ACACA: variants seen among roughly 807,000 people sequenced by gnomAD.
ACACA encodes acetyl-CoA carboxylase alpha.
A neutral mutation model predicts 296.1 loss-of-function variants in ACACA; 103 were observed. That is an observed-to-expected ratio of 0.35 (90% CI 0.30 to 0.41). The LOEUF is 0.41. Among genes scored for constraint, ACACA ranks in the 10% least tolerant of loss-of-function variants. The pLI is 1.00. For synonymous variants in ACACA, 953 were observed against 1,038.6 expected (o/e 0.92, Z 1.58); for missense variants, 1,554 against 2,989.7 (o/e 0.52, Z 11.20).
At chr17:37,366,620 C>T (rs2049614972) in intron 1 of ACACA, among the ~76,000 whole-genome samples, 1 of 151,996 alleles carries the variant, frequency 6.6e-6, no homozygotes, top group Admixed American at 6.6e-5. Context: ...AGGCACCTGC[C>T]ACCACGCCTG....
chr17:37,260,284 ATATATATATATATTTTTTTT>A lies in ACACA; in HGVS notation c.1330-774_1330-755del, dbSNP rs1460618510. The stretch of plus-strand genomic sequence containing the variant: ...TATATATATATATATATATATATAT[ATATATATATATATTTTTTTT>A]TTTTTTTTTTTTGGAGATGGAGTCT... On this transcript the variant is annotated intron_variant, in intron 11 of 55. Transcript: ENST00000616317. Among the ~76,000 whole-genome samples, 56 of 43,442 alleles carry A rather than the reference ATATATATATATATTTTTTTT, an allele frequency of 1.3e-3. 4 individuals carry two copies. Among genetic ancestry groups the A allele is most frequent in the African/African-American group, 6.9e-3 (53 of 7,652 alleles). 28.5% of individuals were successfully genotyped at this position (43,442 alleles called of 152,430 possible).
At chr17:37,147,746 T>C (rs1292150373) in intron 45 of ACACA, among the ~76,000 whole-genome samples, 1 of 152,192 alleles carries the variant, frequency 6.6e-6, no homozygotes, top group East Asian at 1.9e-4. Context: ...GAAGTGAGCA[T>C]TGTTTGGTAA....
At chr17:37,305,569 G>A (rs1322021216) in intron 3 of ACACA, among the ~76,000 whole-genome samples, 1 of 152,164 alleles carries the variant, frequency 6.6e-6, no homozygotes. Flanking sequence ...GTTACTTTCC[G>A]TTGGGCCTTA....
intron 46 of ACACA, 94 bp from the exon 47 acceptor site, chr17:37,129,579 C>T: frequency 2.0e-6 from 3 of 1,533,184 alleles, no homozygotes; most frequent in Non-Finnish European, 2.7e-6. Flanking sequence ...ACAGCAGGGC[C>T]CACGTATGGA....
chr17:37,090,076 T>C (rs1380450228), intron 54 of ACACA, among the ~76,000 whole-genome samples: 1 of 152,178 alleles, frequency 6.6e-6, no homozygotes, highest in Non-Finnish European at 1.5e-5. Context: ...GTGTGTTTGT[T>C]AGGGACTCTG....
intron 1 of ACACA, among the ~76,000 whole-genome samples, chr17:37,405,314 A>G (rs1343619134): frequency 6.6e-6 from 1 of 152,210 alleles, no homozygotes; most frequent in East Asian, 1.9e-4. Context: ...GCTTATTGAC[A>G]GTCTTCCCTA....
chr17:37,095,967 G>C (rs1484357082), intron 54 of ACACA, among the ~76,000 whole-genome samples: 1 of 152,048 alleles, frequency 6.6e-6, no homozygotes, highest in African/African-American at 2.4e-5. Context: ...ATCTCAGTGG[G>C]GTTACTGCTC....
intron 45 of ACACA, among the ~76,000 whole-genome samples, chr17:37,132,007 A>T (rs2075121711): frequency 6.6e-6 from 1 of 151,944 alleles, no homozygotes; most frequent in African/African-American, 2.4e-5. Flanking sequence ...CTCTTTTCTC[A>T]TTCTCCTGCT....
chr17:37,222,289 T>G (rs2079331497), intron 28 of ACACA, among the ~76,000 whole-genome samples: 1 of 152,128 alleles, frequency 6.6e-6, no homozygotes, highest in South Asian at 2.1e-4. Context: ...GTTCAACTCT[T>G]TTACTATCTC....
At chr17:37,266,502 T>C (rs970690265) in intron 10 of ACACA, among the ~76,000 whole-genome samples, 2 of 151,922 alleles carry the variant, frequency 1.3e-5, no homozygotes, top group African/African-American at 4.8e-5. Flanking sequence ...AGCATCTTTC[T>C]AGCTGAAAGG....
At chr17:37,310,128 T>A (rs535018344) in intron 3 of ACACA, among the ~76,000 whole-genome samples, 1 of 152,296 alleles carries the variant, frequency 6.6e-6, no homozygotes, top group East Asian at 1.9e-4. Context: ...ACAGGAAATC[T>A]AGTTAGGTGA....
At chr17:37,102,308 A>G (rs1471126776) in intron 52 of ACACA, among the ~76,000 whole-genome samples, 2 of 149,094 alleles carry the variant, frequency 1.3e-5, no homozygotes, top group Non-Finnish European at 3.0e-5. Flanking sequence ...GAGTTCAAGC[A>G]ATTCTTCTGC....
At chr17:37,175,323 GC>G (rs1417926322) in intron 41 of ACACA, among the ~76,000 whole-genome samples, 4 of 152,216 alleles carry the variant, frequency 2.6e-5, no homozygotes, top group African/African-American at 9.6e-5. Context: ...CTTAGCCTGA[GC>G]TTTTTAATAA....
At chr17:37,101,071 T>C (rs2073335054) in intron 52 of ACACA, among the ~76,000 whole-genome samples, 1 of 142,942 alleles carries the variant, frequency 7.0e-6, no homozygotes, top group South Asian at 2.2e-4. Context: ...CACTCCAGCC[T>C]GAGTGACTGT....
intron 3 of ACACA, among the ~76,000 whole-genome samples, chr17:37,320,088 G>A (rs1261826849): frequency 6.6e-6 from 1 of 152,078 alleles, no homozygotes; most frequent in Admixed American, 6.6e-5. Context: ...TCACACCACT[G>A]CACTCCAGCC....
intron 3 of ACACA, among the ~76,000 whole-genome samples, chr17:37,308,185 C>T (rs1445148406): frequency 6.6e-6 from 1 of 152,018 alleles, no homozygotes; most frequent in Non-Finnish European, 1.5e-5. Flanking sequence ...TAATAAAATC[C>T]ACAAGTGTCT....
Position 37,086,437 on chromosome 17 carries a change from A to G in ACACA, c.*879T>C, listed in dbSNP as rs2072205803. Reference sequence around the variant, plus strand: ...ATGGCATAAATAACTAGTTTCCACCAGTGCAGAAAGGGCAGTTCTCTTCTG... The same window carrying G: ...ATGGCATAAATAACTAGTTTCCACCGGTGCAGAAAGGGCAGTTCTCTTCTG... On this transcript the variant is annotated 3_prime_UTR_variant, in exon 56 of 56. Coordinates refer to ENST00000616317, the MANE Select transcript of ACACA (RefSeq NM_198834.3). The G allele has an allele frequency of 6.6e-6, 1 of 152,298 alleles. No individual in the cohort carries two copies. Among genetic ancestry groups the G allele is most frequent in the Non-Finnish European group, 1.5e-5 (1 of 68,090 alleles). 9.4% of individuals were successfully genotyped at this position (152,298 alleles called of 1,614,324 possible). A position where few individuals can be genotyped will look rare whatever the true frequency, so the allele number is the denominator to read the frequency against.
intron 25 of ACACA, among the ~76,000 whole-genome samples, chr17:37,229,249 T>C (rs2079715677): frequency 6.6e-6 from 1 of 152,046 alleles, no homozygotes; most frequent in Non-Finnish European, 1.5e-5. Context: ...CAGATGAAAC[T>C]AAAATTTTTA....
At chr17:37,287,856 G>T (rs2082861839) in intron 3 of ACACA, among the ~76,000 whole-genome samples, 1 of 152,044 alleles carries the variant, frequency 6.6e-6, no homozygotes, top group African/African-American at 2.4e-5. Flanking sequence ...TCTGCTGTTG[G>T]CACTCAATAT....
Sources: allele counts gnomAD v4.1 joint callset (sites outside exome capture counted in the v4.1 genomes callset), GRCh38; gene constraint gnomAD v4.1.1; transcripts MANE v1.5; gene names NCBI Gene and HGNC (gene_info 2026-07-23, HGNC 2026-07-21).